The following CSMD1 variants were observed in gnomAD, a reference collection of about 807,000 sequenced individuals.
CSMD1 encodes the protein CUB and Sushi multiple domains 1.
In CSMD1, 213 loss-of-function variants were observed where a neutral mutation model predicts 417.5. That is an observed-to-expected ratio of 0.51 (90% CI 0.46 to 0.57). The LOEUF (loss-of-function observed/expected upper bound fraction) is 0.57. CSMD1 is among the 20% of genes least tolerant of loss of function. The probability of loss-of-function intolerance (pLI) is 0.00; values close to 1 mark genes in which losing one functional copy is unlikely to be tolerated. For missense variants in CSMD1, 6,923 were observed against 4,529.7 expected (o/e 1.53, Z -15.17); for synonymous variants, 2,862 against 1,736.8 (o/e 1.65, Z -16.11).
At chr8:3,489,395 A>G (rs148490962) in intron 11 of CSMD1, among the ~76,000 whole-genome samples, 82 of 152,304 alleles carry the variant, frequency 5.4e-4, no homozygotes, top group African/African-American at 1.8e-3. Context: ...TGTGCCTGCC[A>G]CCCACAGAAC....
At chr8:4,036,906 A>G (rs756125284) in intron 3 of CSMD1, among the ~76,000 whole-genome samples, 1 of 151,846 alleles carries the variant, frequency 6.6e-6, no homozygotes, top group Non-Finnish European at 1.5e-5. Flanking sequence ...CCATGTTTGC[A>G]TGTTAGGCTC....
chr8:4,875,916 T>C (rs868388589), intron 1 of CSMD1, among the ~76,000 whole-genome samples: 8 of 152,208 alleles, frequency 5.3e-5, no homozygotes, highest in African/African-American at 1.9e-4. Flanking sequence ...GAGTCTTTAA[T>C]AGCAACAATT....
intron 49 of CSMD1, among the ~76,000 whole-genome samples, chr8:3,069,585 G>A (rs11997544): frequency 5.9e-5 from 9 of 152,016 alleles, no homozygotes; most frequent in African/African-American, 1.4e-4. Context: ...GGGTGGTTTC[G>A]CAAGGCCTTG....
chr8:3,908,529 C>G (rs1025016937), intron 5 of CSMD1, among the ~76,000 whole-genome samples: 3 of 152,118 alleles, frequency 2.0e-5, no homozygotes, highest in African/African-American at 7.2e-5. Flanking sequence ...CAAAAAAACT[C>G]CTAACCTAAG....
intron 1 of CSMD1, among the ~76,000 whole-genome samples, chr8:4,790,837 A>T (rs1445245127): frequency 6.6e-6 from 1 of 152,182 alleles, no homozygotes; most frequent in African/African-American, 2.4e-5. Context: ...TCAACACAAC[A>T]TGAATTAAAG....
At position 3,902,936 on chromosome 8, in the gene CSMD1, G is replaced by C. The variant is rs1164437391; in HGVS notation, c.818+94967C>G. Among the ~76,000 whole-genome samples the C allele has an allele frequency of 2.0e-5, 3 of 152,116 alleles. No individual in the cohort carries two copies. In the South Asian group the frequency reaches 6.2e-4, roughly 32 times the overall value. On this transcript the variant is annotated intron_variant, in intron 5 of 69. Transcript: ENST00000635120. ...CACTTATCTCTTTCTCCAGTTTCCA[G>C]CTCTACCTCCCTGAACTCAGTAGAC...
chr8:3,182,693 G>GTGTGTC (rs1296167141), intron 36 of CSMD1, among the ~76,000 whole-genome samples: 5 of 122,894 alleles, frequency 4.1e-5, no homozygotes, highest in Non-Finnish European at 8.9e-5. Context: ...GTGTGTGTGT[G>GTGTGTC]TATGTGTGTG....
intron 28 of CSMD1, among the ~76,000 whole-genome samples, chr8:3,220,996 A>T (rs1377837012): frequency 1.3e-5 from 2 of 151,978 alleles, no homozygotes; most frequent in Admixed American, 1.3e-4. Flanking sequence ...AATTTGGGAC[A>T]ACTGAGACAG....
At chr8:4,026,831 G>T (rs1423526262) in intron 4 of CSMD1, among the ~76,000 whole-genome samples, 1 of 152,180 alleles carries the variant, frequency 6.6e-6, no homozygotes, top group South Asian at 2.1e-4. Context: ...AGATGACAGG[G>T]AGACTCTGTG....
chr8:3,525,290 A>G (rs2117477189), intron 10 of CSMD1, among the ~76,000 whole-genome samples: 1 of 152,256 alleles, frequency 6.6e-6, no homozygotes, highest in African/African-American at 2.4e-5. Flanking sequence ...AAAGCAACAG[A>G]CCAGGTTAAA....
chr8:3,204,743 C>T (rs573209657), intron 31 of CSMD1, among the ~76,000 whole-genome samples: 3 of 152,174 alleles, frequency 2.0e-5, no homozygotes, highest in South Asian at 4.1e-4. Context: ...TGAGTGCTGT[C>T]TCAGACATAA....
chr8:3,607,948 T>A (rs1457640752), intron 8 of CSMD1, among the ~76,000 whole-genome samples: 3 of 152,062 alleles, frequency 2.0e-5, no homozygotes, highest in African/African-American at 7.2e-5. Flanking sequence ...GGCAGGCGGA[T>A]CACTTGAGGT....
intron 5 of CSMD1, among the ~76,000 whole-genome samples, chr8:3,978,130 C>T (rs763714541): frequency 6.6e-5 from 10 of 152,148 alleles, no homozygotes; most frequent in Admixed American, 2.0e-4. Flanking sequence ...GAAAAGCAAG[C>T]CCTGCCCTCA....
intron 23 of CSMD1, among the ~76,000 whole-genome samples, chr8:3,310,961 G>C (rs1584977289): frequency 6.6e-6 from 1 of 152,176 alleles, no homozygotes; most frequent in Non-Finnish European, 1.5e-5. Flanking sequence ...ACATCTGCTG[G>C]GGATGATGAA....
chr8:3,929,748 G>C (rs558576774), intron 5 of CSMD1, among the ~76,000 whole-genome samples: 1 of 149,592 alleles, frequency 6.7e-6, no homozygotes, highest in African/African-American at 2.5e-5. Flanking sequence ...TGCAACCTCA[G>C]CCTCCTGGAT....
chr8:3,306,450 G>A (rs1266322417), intron 25 of CSMD1, among the ~76,000 whole-genome samples: 1 of 152,154 alleles, frequency 6.6e-6, no homozygotes, highest in Non-Finnish European at 1.5e-5. Flanking sequence ...TTAGGCATGA[G>A]CCACTGTGCC....
At chr8:3,566,414 C>T (rs1050239904) in intron 10 of CSMD1, among the ~76,000 whole-genome samples, 3 of 152,022 alleles carry the variant, frequency 2.0e-5, no homozygotes, top group African/African-American at 7.2e-5. Flanking sequence ...ATACAGCCAT[C>T]CCTTCACTCT....
At chr8:4,049,898 C>T (rs974276109) in intron 3 of CSMD1, among the ~76,000 whole-genome samples, 1 of 87,898 alleles carries the variant, frequency 1.1e-5, no homozygotes, top group East Asian at 3.9e-4. Flanking sequence ...GTAACGTTCG[C>T]TTTCTGTTTC....
chr8:3,896,185 C>G lies in CSMD1; in HGVS notation c.818+101718G>C, dbSNP rs1487380164. On this transcript the variant is annotated intron_variant, in intron 5 of 69. Transcript: ENST00000635120. Reference sequence around the variant, plus strand: ...GATTAAGACACAACAAAAACATGATCTAGAGCCCTGTGACAAACATCTTCC... The same window carrying G: ...GATTAAGACACAACAAAAACATGATGTAGAGCCCTGTGACAAACATCTTCC... 3.3e-5 allele frequency among the ~76,000 whole-genome samples: 5 copies of G among 152,252 alleles called. No homozygotes were observed. The East Asian group carries it at 9.7e-4, about 29-fold the overall frequency.
Sources: allele counts gnomAD v4.1 joint callset (sites outside exome capture counted in the v4.1 genomes callset), GRCh38; gene constraint gnomAD v4.1.1; transcripts MANE v1.5; gene names NCBI Gene and HGNC (gene_info 2026-07-23, HGNC 2026-07-21).